The following PKD1L3 variants were observed in gnomAD, a reference collection of about 807,000 sequenced individuals.
PKD1L3 encodes polycystin-1-like protein 3.
Under a neutral mutation model 184.1 loss-of-function variants are expected in PKD1L3, and 239 were observed. That is an observed-to-expected ratio of 1.30 (90% CI 1.17 to 1.45). The LOEUF is 1.45. PKD1L3 is among the 40% of genes most tolerant of loss of function. PKD1L3 has a pLI of 0.00. For synonymous variants in PKD1L3, 996 were observed against 778.8 expected (o/e 1.28, Z -4.64); for missense variants, 2,660 against 2,067.2 (o/e 1.29, Z -5.56).
Position 71,929,566 on chromosome 16 carries a change from TCACTGCC to T in PKD1L3, c.5164_5170del (p.Gly1722ThrfsTer5). The T allele has an allele frequency of 6.4e-7, 1 of 1,551,328 alleles. No individual in the cohort carries two copies. The highest frequency in any genetic ancestry group is 8.7e-7 in the Non-Finnish European group (1 of 1,146,896). ...AGGTAGTTCATCTAAAACTTCAGTG[TCACTGCC>T]CACTGCTGTCGTGGCTGCTTGCTCA... On this transcript the variant is annotated frameshift_variant, in exon 30 of 30. Coordinates refer to ENST00000620267, the MANE Select transcript of PKD1L3 (RefSeq NM_181536.2). LOFTEE classifies it low-confidence loss of function (END_TRUNC).
intron 2 of PKD1L3, among the ~76,000 whole-genome samples, chr16:71,993,646 C>G (rs958614672): frequency 1.3e-5 from 2 of 152,148 alleles, no homozygotes; most frequent in Non-Finnish European, 2.9e-5. Context: ...AGGTCATCGC[C>G]AGGGTCTGAT....
chr16:71,941,388 T>C (rs1368814644), intron 24 of PKD1L3, among the ~76,000 whole-genome samples: 3 of 151,600 alleles, frequency 2.0e-5, no homozygotes, highest in African/African-American at 7.3e-5. Context: ...ATACTGCAGA[T>C]ATTAGATGAA....
chr16:71,947,592 C>T lies in PKD1L3; in HGVS notation c.3619-1G>A. ...AGTATAAGAATGTGAAGAAGACCACCTGGGCAGGAGAATCACAGAACATCG... is the reference window on the plus strand; with the variant it reads ...AGTATAAGAATGTGAAGAAGACCACTTGGGCAGGAGAATCACAGAACATCG... On this transcript the variant is annotated splice_acceptor_variant, in intron 21 of 29. Coordinates refer to ENST00000620267, the MANE Select transcript of PKD1L3 (RefSeq NM_181536.2). LOFTEE classifies it high-confidence loss of function. 6.6e-7 allele frequency: 1 copy of T among 1,526,028 alleles called. No homozygotes were observed. The highest frequency in any genetic ancestry group is 8.9e-7 in the Non-Finnish European group (1 of 1,124,828). The allele number at this position is 1,526,028 out of a possible 1,614,324, so 94.5% of individuals were successfully genotyped here.
intron 11 of PKD1L3, among the ~76,000 whole-genome samples, chr16:71,975,406 A>T (rs944387168): frequency 1.3e-5 from 2 of 152,092 alleles, no homozygotes; most frequent in Admixed American, 6.6e-5. Flanking sequence ...TAACTTTTCT[A>T]AACTACAATA....
intron 21 of PKD1L3, 109 bp from the exon 22 acceptor site, chr16:71,947,700 C>T (rs950654518): frequency 1.4e-6 from 1 of 706,640 alleles, no homozygotes; most frequent in Admixed American, 3.0e-5. Context: ...AATTATTTGG[C>T]TCTTCATTTT....
intron 24 of PKD1L3, among the ~76,000 whole-genome samples, chr16:71,940,507 TTTA>T (rs1567492700): frequency 1.3e-5 from 2 of 152,098 alleles, no homozygotes; most frequent in Non-Finnish European, 2.9e-5. Flanking sequence ...TTATTTTTTT[TTTA>T]TTTTTTTGAG....
At position 71,999,767 on chromosome 16, in the gene PKD1L3, C is replaced by G; in HGVS notation, c.212G>C (p.Arg71Pro). 1 of 1,551,736 alleles carries G rather than the reference C, an allele frequency of 6.4e-7. No homozygotes were observed. The highest frequency in any genetic ancestry group is 1.2e-5 in the South Asian group (1 of 84,050). ...CTTCTTTCCTTCTTCCAGATAGTCC[C>G]GGATGAGATCTTGAACTTCCTTGTT... ...IWNKEVQDLI[R>P]DYLEEGKKWW... Residue 71 changes from arginine (R) to proline (P), a missense_variant, in exon 1 of 30, where the codon CGG (arginine) becomes CCG (proline). Transcript: ENST00000620267.
At chr16:71,972,802 C>G (rs961304819) in intron 12 of PKD1L3, among the ~76,000 whole-genome samples, 1 of 152,208 alleles carries the variant, frequency 6.6e-6, no homozygotes, top group Non-Finnish European at 1.5e-5. Flanking sequence ...AGCAACCAAA[C>G]CAGGACTTTC....
At chr16:71,962,493 T>C (rs1201149733) in intron 16 of PKD1L3, among the ~76,000 whole-genome samples, 1 of 152,202 alleles carries the variant, frequency 6.6e-6, no homozygotes, top group Non-Finnish European at 1.5e-5. Flanking sequence ...TTTACTAACA[T>C]CTTTGCATTT....
chr16:71,935,217 G>A, intron 26 of PKD1L3, 141 bp downstream of exon 26: 4 of 869,592 alleles, frequency 4.6e-6, no homozygotes, highest in Non-Finnish European at 5.1e-6. Context: ...TCTCTGCTGT[G>A]GACATGAGTC....
intron 13 of PKD1L3, among the ~76,000 whole-genome samples, 184 bp downstream of exon 13, chr16:71,969,690 GA>G (rs1567526748): frequency 8.3e-6 from 1 of 120,064 alleles, no homozygotes; most frequent in African/African-American, 2.6e-5. Context: ...AAAAAAAATA[GA>G]GAGAAAAAGT....
At chr16:71,996,488 T>C (rs2040790642) in intron 2 of PKD1L3, among the ~76,000 whole-genome samples, 1 of 151,936 alleles carries the variant, frequency 6.6e-6, no homozygotes, top group Admixed American at 6.6e-5. Flanking sequence ...TCTCAATCTC[T>C]TTACCTCGTG....
intron 27 of PKD1L3, 149 bp downstream of exon 27, chr16:71,933,766 T>A: frequency 2.3e-6 from 2 of 877,586 alleles, no homozygotes; most frequent in Non-Finnish European, 3.5e-6. Flanking sequence ...TGGGTTTAAG[T>A]CATACCAGTT....
intron 18 of PKD1L3, 144 bp downstream of exon 18, chr16:71,952,750 C>T: frequency 2.6e-6 from 2 of 772,470 alleles, no homozygotes. Flanking sequence ...GTGGGAGGAC[C>T]ACTTGAGCCG....
Position 71,984,148 on chromosome 16 carries a change from C to A in PKD1L3, c.854G>T (p.Gly285Val). Residue 285 changes from glycine (G) to valine (V), a missense_variant, in exon 6 of 30, where the codon GGG becomes GTG. By Grantham distance (109) the Gly-to-Val change is moderately radical (BLOSUM62 -3). Transcript: ENST00000620267. ...ACCATGAACTGCTCTGCTGAAGTTCCCTGCTATCTCATCTATGACCTATTG... is the reference window on the plus strand; with the variant it reads ...ACCATGAACTGCTCTGCTGAAGTTCACTGCTATCTCATCTATGACCTATTG... ...ASGQVIDEIA[G>V]NFSRAVHGLQ... The A allele has an allele frequency of 1.3e-6, 2 of 1,551,458 alleles. No individual in the cohort carries two copies. Among genetic ancestry groups the A allele is most frequent in the Non-Finnish European group, 1.7e-6 (2 of 1,146,790 alleles).
chr16:71,977,559 T>TTCCC, intron 10 of PKD1L3, 92 bp from the exon 11 acceptor site: 2 of 701,022 alleles, frequency 2.9e-6, no homozygotes, highest in Non-Finnish European at 4.3e-6. Context: ...ACGTCCTAGC[T>TTCCC]CTTTTTTTTT....
chr16:71,969,039 T>C (rs2143604492), intron 13 of PKD1L3, among the ~76,000 whole-genome samples: 1 of 152,202 alleles, frequency 6.6e-6, no homozygotes, highest in African/African-American at 2.4e-5. Context: ...CAAGCAATTC[T>C]CCTGCCTCAG....
chr16:71,995,173 G>C (rs140449035), intron 2 of PKD1L3, among the ~76,000 whole-genome samples: 2 of 152,094 alleles, frequency 1.3e-5, no homozygotes, highest in Non-Finnish European at 1.5e-5. Flanking sequence ...CTGCAACCTC[G>C]TAAGGTGAAA....
chr16:71,968,140 G>T (rs1300280651), intron 13 of PKD1L3, 133 bp from the exon 14 acceptor site: 3 of 672,768 alleles, frequency 4.5e-6, no homozygotes, highest in African/African-American at 3.6e-5. Flanking sequence ...GCTGAGGTGT[G>T]GGCAGCAGAC....
Sources: gnomAD v4.1 joint callset for allele counts (sites outside exome capture counted in the v4.1 genomes callset) on GRCh38, gnomAD v4.1.1 for gene constraint, MANE v1.5 for transcripts, NCBI Gene and HGNC (gene_info 2026-07-23, HGNC 2026-07-21) for gene names.